Variants in EML4 observed in about 807,000 individuals in gnomAD.
The protein encoded by EML4 is echinoderm microtubule-associated protein-like 4.
In EML4, 72 loss-of-function variants were observed where a neutral mutation model predicts 129.0. The observed-to-expected ratio is 0.56, with a 90% CI of 0.46 to 0.68. EML4 has a LOEUF of 0.68. EML4 is among the 30% of genes least tolerant of loss of function. The probability of loss-of-function intolerance (pLI) is 0.00; values close to 1 mark genes in which losing one functional copy is unlikely to be tolerated. For synonymous variants in EML4, 532 were observed against 405.0 expected, an observed-to-expected ratio of 1.31 and a Z score of -3.77; for missense variants, 1,363 against 1,190.6, an observed-to-expected ratio of 1.14 and a Z score of -2.13.
intron 1 of EML4, among the ~76,000 whole-genome samples, chr2:42,230,786 A>G (rs966513538): frequency 1.3e-5 from 2 of 152,182 alleles, no homozygotes; most frequent in African/African-American, 4.8e-5. Context: ...AAAGACAAAT[A>G]TCTTCACCTC....
At chr2:42,241,152 A>G (rs1260079017) in intron 1 of EML4, among the ~76,000 whole-genome samples, 2 of 152,080 alleles carry the variant, frequency 1.3e-5, no homozygotes, top group East Asian at 1.9e-4. Flanking sequence ...GTGAGTCTCA[A>G]AGAAAAAAAA....
chr2:42,205,396 G>T (rs1318723576), intron 1 of EML4, among the ~76,000 whole-genome samples: 2 of 152,126 alleles, frequency 1.3e-5, no homozygotes, highest in African/African-American at 2.4e-5. Context: ...TTTATATTTG[G>T]TAGGGAAAAG....
chr2:42,211,937 T>A (rs1672909149), intron 1 of EML4, among the ~76,000 whole-genome samples: 1 of 152,148 alleles, frequency 6.6e-6, no homozygotes, highest in African/African-American at 2.4e-5. Context: ...CTCTGCCTCC[T>A]GGGTTCAAAC....
At chr2:42,175,744 C>T (rs1005371173) in intron 1 of EML4, among the ~76,000 whole-genome samples, 4 of 152,112 alleles carry the variant, frequency 2.6e-5, no homozygotes, top group Non-Finnish European at 5.9e-5. Flanking sequence ...AGTGATCCAT[C>T]CACCTCAGCC....
intron 3 of EML4, among the ~76,000 whole-genome samples, chr2:42,259,982 G>A (rs1304668480): frequency 2.6e-5 from 4 of 151,116 alleles, no homozygotes; most frequent in African/African-American, 7.3e-5. Flanking sequence ...CACCCACCTC[G>A]GCCTCCCAGA....
chr2:42,192,442 G>A (rs1419108636), intron 1 of EML4, among the ~76,000 whole-genome samples: 8 of 152,064 alleles, frequency 5.3e-5, no homozygotes, highest in African/African-American at 1.4e-4. Flanking sequence ...GTTTCACCAC[G>A]TTGGCCGGAC....
At chr2:42,319,977 A>G (rs1277368549) in intron 19 of EML4, 1 of 152,218 alleles carries the variant, frequency 6.6e-6, no homozygotes, top group Non-Finnish European at 1.5e-5. Context: ...TAAAAATAAT[A>G]AAGTAAATCT....
At chr2:42,207,208 TA>T (rs1275061284) in intron 1 of EML4, among the ~76,000 whole-genome samples, 1 of 152,232 alleles carries the variant, frequency 6.6e-6, no homozygotes, top group Non-Finnish European at 1.5e-5. Context: ...TGTAGTTTTA[TA>T]AAAGTAATTT....
At position 42,317,438 on chromosome 2, in the gene EML4, C is replaced by G; in HGVS notation, c.2068C>G (p.Leu690Val). 1 of 1,609,490 alleles carries G rather than the reference C, an allele frequency of 6.2e-7. No individual in the cohort carries two copies. The highest frequency in any genetic ancestry group is 8.5e-7 in the Non-Finnish European group (1 of 1,176,916). ...VMRYSIDGTFLAVGSHDNFIY... is the reference protein window; with the variant it reads ...VMRYSIDGTFVAVGSHDNFIY... Reference sequence around the variant, plus strand: ...CTATTTTATTCTAGATGGTACCTTCCTGGCTGTAGGATCTCATGACAACTT... The same window carrying G: ...CTATTTTATTCTAGATGGTACCTTCGTGGCTGTAGGATCTCATGACAACTT... The change falls in exon 19 of 23, where the codon CTG becomes GTG. Residue 690 changes from leucine (L) to valine (V), a missense_variant. Coordinates refer to ENST00000318522, the MANE Select transcript of EML4 (RefSeq NM_019063.5).
Position 42,264,108 on chromosome 2 carries a change from T to TTG in EML4, c.642-597_642-596insGT, listed in dbSNP as rs1174425070. 1.1e-3 allele frequency among the ~76,000 whole-genome samples: 155 copies of TTG among 139,222 alleles called. 2 individuals carry two copies. Among genetic ancestry groups the TTG allele is most frequent in the African/African-American group, 3.6e-3 (138 of 38,322 alleles). The allele number at this position is 139,222 out of a possible 152,430, so 91.3% of individuals were successfully genotyped here. On this transcript the variant is annotated intron_variant, in intron 5 of 22. Coordinates refer to ENST00000318522, the MANE Select transcript of EML4 (RefSeq NM_019063.5). ...TCCCAACTCAAACAATACGTGTTTT[T>TTG]TTTTTTTTTTTTTTTTTTTTTGAGA...
Position 42,317,069 on chromosome 2 carries a change from C to A in EML4, c.2057-358C>A, listed in dbSNP as rs555329361. ...GAATATGGTGTCTTCCCAAGAGCAC[C>A]TGTTCTGTAATTGGACAGATCATAT... On this transcript the variant is annotated intron_variant, in intron 18 of 22. Coordinates refer to ENST00000318522, the MANE Select transcript of EML4 (RefSeq NM_019063.5). Among the ~76,000 whole-genome samples, 125 of 152,246 alleles carry A rather than the reference C, an allele frequency of 8.2e-4. 2 individuals carry two copies. The highest frequency in any genetic ancestry group is 2.9e-3 in the African/African-American group (122 of 41,532).
intron 22 of EML4, 77 bp from the exon 23 acceptor site, chr2:42,329,657 C>G (rs567438112): frequency 2.4e-6 from 3 of 1,228,338 alleles, no homozygotes; most frequent in African/African-American, 1.5e-5. Context: ...ACCCCCCTTA[C>G]GTATCACCTC....
intron 11 of EML4, among the ~76,000 whole-genome samples, chr2:42,292,872 C>G (rs145523334): frequency 2.6e-4 from 40 of 152,306 alleles, no homozygotes; most frequent in African/African-American, 8.7e-4. Context: ...TGTCTTATCA[C>G]TAGCATGATG....
At chr2:42,233,600 C>G (rs1269139153) in intron 1 of EML4, among the ~76,000 whole-genome samples, 1 of 152,152 alleles carries the variant, frequency 6.6e-6, no homozygotes, top group African/African-American at 2.4e-5. Context: ...AGCCACCGCA[C>G]CCAGCCCCTA....
chr2:42,239,665 G>A (rs1046187355), intron 1 of EML4, among the ~76,000 whole-genome samples: 7 of 150,638 alleles, frequency 4.6e-5, no homozygotes, highest in African/African-American at 1.7e-4. Flanking sequence ...AAACTATTTT[G>A]AGAAGGGGCA....
intron 1 of EML4, among the ~76,000 whole-genome samples, chr2:42,236,863 A>G (rs1674712023): frequency 6.6e-6 from 1 of 152,182 alleles, no homozygotes; most frequent in African/African-American, 2.4e-5. Context: ...TGGTACGCAT[A>G]AGATAGTATT....
chr2:42,313,095 C>T (rs1409684770), intron 17 of EML4, among the ~76,000 whole-genome samples: 1 of 151,472 alleles, frequency 6.6e-6, no homozygotes, highest in Non-Finnish European at 1.5e-5. Flanking sequence ...ACTACAGGCG[C>T]CTGCTACCAT....
intron 1 of EML4, among the ~76,000 whole-genome samples, chr2:42,184,920 C>T (rs1197604620): frequency 6.6e-6 from 1 of 152,204 alleles, no homozygotes; most frequent in Non-Finnish European, 1.5e-5. Context: ...GTGGTAACTG[C>T]TCTCATATCC....
intron 17 of EML4, 91 bp downstream of exon 17, chr2:42,304,642 C>G (rs1668490915): frequency 1.0e-6 from 1 of 967,962 alleles, no homozygotes; most frequent in Non-Finnish European, 1.7e-6. Context: ...GAGAATTAAT[C>G]TCTTAAGTGG....
Sources: gnomAD v4.1 joint callset for allele counts (sites outside exome capture counted in the v4.1 genomes callset) on GRCh38, gnomAD v4.1.1 for gene constraint, MANE v1.5 for transcripts, NCBI Gene and HGNC (gene_info 2026-07-23, HGNC 2026-07-21) for gene names.